PSPC1: variants seen among roughly 807,000 people sequenced by gnomAD.
PSPC1 encodes paraspeckle component 1, also known as paraspeckle protein 1.
A neutral mutation model predicts 51.6 loss-of-function variants in PSPC1; 14 were observed. The observed-to-expected ratio is 0.27, with a 90% CI of 0.18 to 0.42. The LOEUF is 0.42. PSPC1 is among the 10% of genes least tolerant of loss of function. The pLI, the probability that PSPC1 is intolerant of heterozygous loss-of-function variation, is 1.00. For synonymous variants in PSPC1, 193 were observed against 231.9 expected (o/e 0.83, Z 1.53); for missense variants, 406 against 701.1 (o/e 0.58, Z 4.75).
chr13:19,700,511 A>G (rs1013491424), downstream of PSPC1, among the ~76,000 whole-genome samples: 4 of 152,120 alleles, frequency 2.6e-5, no homozygotes, highest in African/African-American at 9.7e-5. Context: ...AACACAAGTG[A>G]ATCAGTTTTT....
intron 6 of PSPC1, among the ~76,000 whole-genome samples, chr13:19,694,139 A>C (rs1280710422): frequency 9.8e-5 from 7 of 71,778 alleles, no homozygotes; most frequent in Non-Finnish European, 1.4e-4. Flanking sequence ...AAAAAAAAAA[A>C]AAAAAAAAAA....
At chr13:19,692,763 A>G (rs1878719742) in intron 6 of PSPC1, among the ~76,000 whole-genome samples, 1 of 151,980 alleles carries the variant, frequency 6.6e-6, no homozygotes, top group East Asian at 1.9e-4. Flanking sequence ...GACACTTTGC[A>G]TCTCCCTCCT....
At chr13:19,720,022 A>C (rs146095261) in intron 6 of PSPC1, among the ~76,000 whole-genome samples, 3,465 of 152,290 alleles carry the variant, frequency 0.023, 44 homozygotes, top group Middle Eastern at 0.085. Flanking sequence ...CATTTTCAAG[A>C]TTACCAGTTT....
At chr13:19,730,481 A>C in intron 5 of PSPC1, 137 bp from the exon 6 acceptor site, 1 of 703,416 alleles carries the variant, frequency 1.4e-6, no homozygotes. Context: ...CGGCATCCTA[A>C]ATTTACCTTC....
intron 1 of PSPC1, among the ~76,000 whole-genome samples, chr13:19,777,039 G>A (rs1174960360): frequency 1.4e-5 from 2 of 146,060 alleles, no homozygotes; most frequent in African/African-American, 5.0e-5. Context: ...AGTGAGAATC[G>A]CTTGAACCTG....
intron 2 of PSPC1, among the ~76,000 whole-genome samples, chr13:19,764,427 T>C (rs1441022886): frequency 6.6e-6 from 1 of 152,134 alleles, no homozygotes; most frequent in Non-Finnish European, 1.5e-5. Context: ...TAATTATATA[T>C]AACATCAACT....
rs1890033875 is a variant in PSPC1, at chr13:19,782,084, G to A, written c.372+302C>T. 1.3e-5 allele frequency among the ~76,000 whole-genome samples: 2 copies of A among 152,252 alleles called. No homozygotes were observed. The highest frequency in any genetic ancestry group is 1.3e-4 in the Admixed American group (2 of 15,278). ...CCCGGGAGCGCTCGCTACCTGGACAGGGTGCACCATGCCCGATCCAGCGCA... is the reference window on the plus strand; with the variant it reads ...CCCGGGAGCGCTCGCTACCTGGACAAGGTGCACCATGCCCGATCCAGCGCA... On this transcript the variant is annotated intron_variant, in intron 1 of 8. Transcript: ENST00000338910. The surrounding 1 kb of genome is among the most constrained non-coding windows in gnomAD (Gnocchi z 4.5).
intron 1 of PSPC1, among the ~76,000 whole-genome samples, chr13:19,778,318 G>A (rs973647888): frequency 3.4e-5 from 5 of 147,702 alleles, no homozygotes; most frequent in Admixed American, 6.8e-5. Context: ...TAAAAATACC[G>A]TACCATGTAA....
chr13:19,759,174 AAAG>A (rs1187393477), intron 3 of PSPC1, 146 bp downstream of exon 3: 1 of 618,692 alleles, frequency 1.6e-6, no homozygotes, highest in African/African-American at 1.8e-5. Flanking sequence ...GAAAGAAAGA[AAAG>A]AAAACTAGCA....
At chr13:19,726,300 G>C (rs1204207353) in intron 6 of PSPC1, among the ~76,000 whole-genome samples, 2 of 152,070 alleles carry the variant, frequency 1.3e-5, no homozygotes, top group African/African-American at 4.8e-5. Flanking sequence ...TCAATACAAG[G>C]CCAGTAGTTT....
intron 3 of PSPC1, among the ~76,000 whole-genome samples, chr13:19,759,082 A>G (rs1887367547): frequency 1.3e-5 from 2 of 151,818 alleles, no homozygotes; most frequent in Non-Finnish European, 2.9e-5. Context: ...CGTGGGAGGT[A>G]GAGATTACAG....
intron 5 of PSPC1, among the ~76,000 whole-genome samples, chr13:19,735,733 T>G (rs545945943): frequency 6.6e-6 from 1 of 152,268 alleles, no homozygotes; most frequent in Non-Finnish European, 1.5e-5. Context: ...TTGTGACAAT[T>G]TTCTTCATTT....
At chr13:19,730,967 A>AAAAAAAAAAAAAAAAAAAAAAAAAC (rs1566002419) in intron 5 of PSPC1, among the ~76,000 whole-genome samples, 2 of 140,454 alleles carry the variant, frequency 1.4e-5, no homozygotes, top group Non-Finnish European at 3.1e-5. Flanking sequence ...CAAAAAAACA[A>AAAAAAAAAAAAAAAAAAAAAAAAAC]AAAAAAAAAA....
intron 2 of PSPC1, among the ~76,000 whole-genome samples, chr13:19,768,490 C>CA (rs1246722233): frequency 4.7e-5 from 7 of 149,670 alleles, no homozygotes; most frequent in South Asian, 2.1e-4. Context: ...ACTAAAAATA[C>CA]AAAAAAAATT....
chr13:19,730,330 T>C lies in PSPC1; in HGVS notation c.1067A>G (p.His356Arg), dbSNP rs1883893452. The C allele has an allele frequency of 4.3e-6, 7 of 1,614,156 alleles. No homozygotes were observed. The highest frequency in any genetic ancestry group is 5.1e-6 in the Non-Finnish European group (6 of 1,180,018). The change falls in exon 6 of 9, where the codon CAT becomes CGT. Residue 356 changes from histidine (H) to arginine (R), a missense_variant. Physicochemically the swap from His to Arg is conservative, Grantham distance 29 (BLOSUM62 0). This residue lies in a region of PSPC1 where 61 missense variants were observed against 78.4 expected (regional missense o/e 0.78). Coordinates refer to ENST00000338910, the MANE Select transcript of PSPC1 (RefSeq NM_001354909.2). ...KQIQLRHEEEHRRREEEMIRH... is the reference protein window; with the variant it reads ...KQIQLRHEEERRRREEEMIRH... Reference sequence around the variant, plus strand: ...GATCATTTCTTCCTCACGCCGCCGATGCTCCTCTTCATGTCTGAAAATTTT... The same window carrying C: ...GATCATTTCTTCCTCACGCCGCCGACGCTCCTCTTCATGTCTGAAAATTTT...
chr13:19,766,175 C>A (rs985525581), intron 2 of PSPC1, among the ~76,000 whole-genome samples: 1 of 152,110 alleles, frequency 6.6e-6, no homozygotes, highest in African/African-American at 2.4e-5. Context: ...GAGTTCGAGA[C>A]CAGCCTGGTC....
At chr13:19,779,996 CGGG>C (rs1889742648) in intron 1 of PSPC1, among the ~76,000 whole-genome samples, 3 of 141,548 alleles carry the variant, frequency 2.1e-5, no homozygotes, top group Admixed American at 1.4e-4. Flanking sequence ...CCGCCCCGTC[CGGG>C]AGGGAGGTGG....
chr13:19,688,018 A>G (rs1878124342), intron 6 of PSPC1, among the ~76,000 whole-genome samples: 1 of 151,880 alleles, frequency 6.6e-6, no homozygotes. Flanking sequence ...CCCGAAACAG[A>G]TATAGCTCAT....
At chr13:19,675,574 T>G in intron 7 of PSPC1, 1 of 152,024 alleles carries the variant, frequency 6.6e-6, no homozygotes, top group Non-Finnish European at 1.5e-5. Context: ...GAGTAAGAAA[T>G]TCATAAATGA....
Sources: allele counts gnomAD v4.1 joint callset (sites outside exome capture counted in the v4.1 genomes callset), GRCh38; gene constraint gnomAD v4.1.1; regional missense constraint gnomAD v4.1.1; non-coding constraint Gnocchi (gnomAD v3.1); transcripts MANE v1.5; gene names NCBI Gene and HGNC (gene_info 2026-07-23, HGNC 2026-07-21).